AUTS2: variants seen among roughly 807,000 people sequenced by gnomAD.
AUTS2 encodes the protein autism susceptibility gene 2 protein.
Under a neutral mutation model 112.4 loss-of-function variants are expected in AUTS2, and 17 were observed. That is an observed-to-expected ratio of 0.15 (90% CI 0.10 to 0.23). The LOEUF is 0.23. Among genes scored for constraint, AUTS2 ranks in the 10% least tolerant of loss-of-function variants. The probability of loss-of-function intolerance (pLI) is 1.00; values close to 1 mark genes in which losing one functional copy is unlikely to be tolerated. For synonymous variants in AUTS2, 751 were observed against 702.7 expected, an observed-to-expected ratio of 1.07 and a Z score of -1.09; for missense variants, 1,510 against 1,701.6, an observed-to-expected ratio of 0.89 and a Z score of 1.98.
intron 6 of AUTS2, among the ~76,000 whole-genome samples, chr7:70,728,110 G>A (rs181062014): frequency 6.6e-6 from 1 of 152,132 alleles, no homozygotes; most frequent in Non-Finnish European, 1.5e-5. Flanking sequence ...TGTTTTCTCA[G>A]ATCCCAACAG....
intron 4 of AUTS2, among the ~76,000 whole-genome samples, chr7:70,226,725 C>A (rs980365808): frequency 6.6e-6 from 1 of 152,026 alleles, no homozygotes; most frequent in Non-Finnish European, 1.5e-5. Context: ...TACATGTATT[C>A]TAAGCATGTT....
At chr7:70,454,984 A>G (rs1796676349) in intron 5 of AUTS2, among the ~76,000 whole-genome samples, 1 of 152,238 alleles carries the variant, frequency 6.6e-6, no homozygotes, top group African/African-American at 2.4e-5. Context: ...GCCTAAAGCC[A>G]GGTGGAGGGA....
intron 4 of AUTS2, among the ~76,000 whole-genome samples, chr7:70,146,073 TA>T (rs1807107914): frequency 6.6e-6 from 1 of 152,130 alleles, no homozygotes; most frequent in Non-Finnish European, 1.5e-5. Flanking sequence ...ATGTAAATCT[TA>T]TAAAAGTTTG....
chr7:70,785,292 T>C, intron 16 of AUTS2: 1 of 612,478 alleles, frequency 1.6e-6, no homozygotes, highest in Admixed American at 2.2e-5. Flanking sequence ...GAGCCATTCC[T>C]TGGTATCTCA....
intron 6 of AUTS2, among the ~76,000 whole-genome samples, chr7:70,713,296 A>G (rs927266681): frequency 3.3e-5 from 5 of 152,246 alleles, no homozygotes; most frequent in South Asian, 2.1e-4. Flanking sequence ...ACTATTTTGT[A>G]AACAAAGTAC....
At chr7:70,071,603 A>T (rs1263959787) in intron 2 of AUTS2, among the ~76,000 whole-genome samples, 1 of 152,086 alleles carries the variant, frequency 6.6e-6, no homozygotes, top group African/African-American at 2.4e-5. Flanking sequence ...GCTTTTTTTC[A>T]TATTGGCTTG....
intron 2 of AUTS2, among the ~76,000 whole-genome samples, chr7:69,958,116 C>T (rs1797289344): frequency 3.3e-5 from 5 of 152,186 alleles, no homozygotes; most frequent in Admixed American, 2.6e-4. Context: ...TTATAGAACA[C>T]CTGCTGTGTG....
chr7:70,542,348 C>T (rs1233222738), intron 5 of AUTS2, among the ~76,000 whole-genome samples: 2 of 152,180 alleles, frequency 1.3e-5, no homozygotes, highest in Non-Finnish European at 2.9e-5. Flanking sequence ...CACCTAGACC[C>T]CAAGTATCTG....
chr7:69,911,257 C>T (rs577443534), intron 2 of AUTS2, among the ~76,000 whole-genome samples: 1 of 152,092 alleles, frequency 6.6e-6, no homozygotes, highest in Non-Finnish European at 1.5e-5. Flanking sequence ...CTGTGGGCAC[C>T]CCTGTCTGGA....
At chr7:70,660,656 C>T (rs1426152750) in intron 5 of AUTS2, among the ~76,000 whole-genome samples, 1 of 152,158 alleles carries the variant, frequency 6.6e-6, no homozygotes. Flanking sequence ...TGAGACAGGC[C>T]GCAGGCTACA....
intron 1 of AUTS2, among the ~76,000 whole-genome samples, chr7:69,679,446 T>A (rs1796700855): frequency 6.6e-6 from 1 of 152,220 alleles, no homozygotes; most frequent in Non-Finnish European, 1.5e-5. Flanking sequence ...TTAGTTAATA[T>A]TGAGGCAGTT....
intron 4 of AUTS2, among the ~76,000 whole-genome samples, chr7:70,396,462 T>C (rs1018416097): frequency 1.3e-5 from 2 of 151,844 alleles, no homozygotes; most frequent in South Asian, 4.2e-4. Flanking sequence ...CTGCAACCTC[T>C]ACCTCCCGGG....
At chr7:70,605,062 G>T (rs143218174) in intron 5 of AUTS2, among the ~76,000 whole-genome samples, 55 of 152,234 alleles carry the variant, frequency 3.6e-4, no homozygotes, top group African/African-American at 1.3e-3. Context: ...CATTAAGCAC[G>T]CAAATGGTCA....
At chr7:70,093,148 A>G (rs1467983649) in intron 2 of AUTS2, among the ~76,000 whole-genome samples, 1 of 152,166 alleles carries the variant, frequency 6.6e-6, no homozygotes, top group African/African-American at 2.4e-5. Context: ...ACCAGCATTA[A>G]TCCCATGATT....
At chr7:70,242,356 C>G (rs935894938) in intron 4 of AUTS2, among the ~76,000 whole-genome samples, 1 of 152,162 alleles carries the variant, frequency 6.6e-6, no homozygotes, top group Admixed American at 6.5e-5. Flanking sequence ...AGAGGCCTCT[C>G]AGTTCATCTT....
intron 2 of AUTS2, among the ~76,000 whole-genome samples, chr7:70,040,162 A>T (rs1048051605): frequency 6.6e-6 from 1 of 152,338 alleles, no homozygotes; most frequent in African/African-American, 2.4e-5. Context: ...GACCAAACCC[A>T]TAGAATGTAC....
intron 5 of AUTS2, among the ~76,000 whole-genome samples, chr7:70,533,304 C>T (rs759004665): frequency 2.6e-5 from 4 of 152,080 alleles, no homozygotes; most frequent in Admixed American, 1.3e-4. Context: ...TTTGTAGAAA[C>T]GGTCTCGCTT....
intron 4 of AUTS2, among the ~76,000 whole-genome samples, chr7:70,215,637 T>C (rs1322606206): frequency 6.6e-6 from 1 of 152,120 alleles, no homozygotes; most frequent in Admixed American, 6.5e-5. Context: ...TACTCAGAGC[T>C]CTTTGGGGGT....
rs1242010718 is a variant in AUTS2, at chr7:70,779,696, A to C, written c.2005-1919A>C. 5.3e-5 allele frequency among the ~76,000 whole-genome samples: 8 copies of C among 152,268 alleles called. 1 individual carries two copies. Among genetic ancestry groups the C allele is most frequent in the Non-Finnish European group, 1.2e-4 (8 of 68,006 alleles). ...TGAGGGAGATTGAGCTGAGGCTAGA[A>C]TGGGGCTAAAGGGGCTGAGAGCATC... On this transcript the variant is annotated intron_variant, in intron 14 of 18. Transcript: ENST00000342771.
Sources: gnomAD v4.1 joint callset for allele counts (sites outside exome capture counted in the v4.1 genomes callset) on GRCh38, gnomAD v4.1.1 for gene constraint, MANE v1.5 for transcripts, NCBI Gene and HGNC (gene_info 2026-07-23, HGNC 2026-07-21) for gene names.